The following CEP41 variants were observed in gnomAD, a reference collection of about 807,000 sequenced individuals.
The protein encoded by CEP41 is centrosomal protein 41.
In CEP41, 32 loss-of-function variants were observed where a neutral mutation model predicts 44.3. That is an observed-to-expected ratio of 0.72 (90% CI 0.54 to 0.97). The LOEUF is 0.97. Ranked by LOEUF, CEP41 falls within the 50% of genes least tolerant of loss-of-function variation. The pLI is 0.00. For missense variants in CEP41, 432 were observed against 455.2 expected (o/e 0.95, Z 0.46); for synonymous variants, 151 against 168.5 (o/e 0.90, Z 0.80).
In CEP41 at chr7:130,425,216, C is replaced by T. The variant is rs182055521; in HGVS notation, c.97+2739G>A. 4.1e-4 allele frequency among the ~76,000 whole-genome samples: 58 copies of T among 141,548 alleles called. 1 individual carries two copies. The highest frequency in any genetic ancestry group is 3.8e-3 in the Admixed American group (53 of 14,086). The allele number at this position is 141,548 out of a possible 152,430, so 92.9% of individuals were successfully genotyped here. On this transcript the variant is annotated intron_variant, in intron 2 of 10. Transcript: ENST00000223208. ...GATCACTTGAGGCAGGAGTTTGAGA[C>T]AAGCCTAGCCAACATGACAAAACCC... is the stretch of plus-strand genomic sequence containing the variant.
In CEP41 at chr7:130,394,239, G is replaced by T. The variant is rs1410366127; in HGVS notation, c.*4652C>A. ...GCCACAGTTCTCAGGCTGGCTCCTG[G>T]CTTTTCAAACCCTTGGTCAGAGACT... is the stretch of plus-strand genomic sequence containing the variant. On this transcript the variant is annotated 3_prime_UTR_variant, in exon 11 of 11. Coordinates refer to ENST00000223208, the MANE Select transcript of CEP41 (RefSeq NM_018718.3). 4 of 453,912 alleles carry T rather than the reference G, an allele frequency of 8.8e-6. No homozygotes were observed. Among genetic ancestry groups the T allele is most frequent in the Non-Finnish European group, 1.8e-5 (4 of 226,786 alleles). 28.1% of individuals were successfully genotyped at this position (453,912 alleles called of 1,614,324 possible). A position where few individuals can be genotyped will look rare whatever the true frequency, so the allele number is the denominator to read the frequency against.
At position 130,404,679 on chromosome 7, in the gene CEP41, C is replaced by T. The variant is rs1554417847; in HGVS notation, c.307G>A (p.Ala103Thr). 2 of 1,612,326 alleles carry T rather than the reference C, an allele frequency of 1.2e-6. No homozygotes were observed. The change falls in exon 6 of 11, where the codon GCT (alanine) becomes ACT (threonine). Residue 103 changes from alanine (A) to threonine (T), a missense_variant. Transcript: ENST00000223208. ...DNDSAASDPD[A>T]ETTARTNGKG... ...CCATTGGTCCTGGCAGTGGTTTCAGCATCAGGGTCTGAAGCTGCAGAATCA... is the reference window on the plus strand; with the variant it reads ...CCATTGGTCCTGGCAGTGGTTTCAGTATCAGGGTCTGAAGCTGCAGAATCA...
intron 8 of CEP41, chr7:130,401,036 A>G (rs1796829373): frequency 7.3e-6 from 4 of 551,270 alleles, no homozygotes; most frequent in Non-Finnish European, 1.3e-5. Flanking sequence ...TGATGTTACC[A>G]TGATCTAAAA....
chr7:130,403,044 G>A (rs943301503), intron 6 of CEP41, among the ~76,000 whole-genome samples: 4 of 152,162 alleles, frequency 2.6e-5, no homozygotes, highest in Admixed American at 2.0e-4. Flanking sequence ...CAGACAATGC[G>A]TGTCAGTGCA....
intron 4 of CEP41, 149 bp from the exon 5 acceptor site, chr7:130,411,340 A>T: frequency 2.8e-6 from 2 of 709,402 alleles, no homozygotes; most frequent in East Asian, 5.4e-5. Context: ...GCTGAATCTC[A>T]GGCCTCCTTC....
Position 130,400,080 on chromosome 7 carries a change from T to C in CEP41, c.932A>G (p.Glu311Gly), listed in dbSNP as rs782192154. ...CCCTTGCTCCTCTTCCAGATAATAT[T>C]CTATCTTTTTTAAGTCTTCTGGGGT... ...RFTPEDLKKI[E>G]YYLEEEQGPA... is the part of the protein sequence containing the mutation. The change falls in exon 10 of 11, where the codon GAA (glutamate) becomes GGA (glycine). Residue 311 changes from glutamate (E) to glycine (G), a missense_variant. Transcript: ENST00000223208. 1 of 1,612,976 alleles carries C rather than the reference T, an allele frequency of 6.2e-7. No individual in the cohort carries two copies. Among genetic ancestry groups the C allele is most frequent in the East Asian group, 2.2e-5 (1 of 44,884 alleles).
chr7:130,440,452 G>GA, intron 1 of CEP41: 1 of 233,286 alleles, frequency 4.3e-6, no homozygotes, highest in South Asian at 6.1e-5. Flanking sequence ...TGAAACAGAT[G>GA]AAGAAACTGA....
chr7:130,419,814 G>A, intron 2 of CEP41: 3 of 985,220 alleles, frequency 3.0e-6, no homozygotes, highest in Non-Finnish European at 3.6e-6. Context: ...ATACTCGTAA[G>A]AGCTCACTCA....
At chr7:130,423,985 A>G (rs1256371366) in intron 2 of CEP41, among the ~76,000 whole-genome samples, 1 of 152,276 alleles carries the variant, frequency 6.6e-6, no homozygotes, top group Non-Finnish European at 1.5e-5. Context: ...CATGTTGACA[A>G]ACAGGCTTAA....
chr7:130,401,726 TCTTGGCAATAGCTAG>T, intron 8 of CEP41, among the ~76,000 whole-genome samples, 140 bp downstream of exon 8: 1 of 152,216 alleles, frequency 6.6e-6, no homozygotes, highest in African/African-American at 2.4e-5. Flanking sequence ...GAGTCAGGAT[TCTTGGCAATAGCTAG>T]GAATCCAAAT....
At chr7:130,417,302 C>G in intron 2 of CEP41, 2 of 1,109,616 alleles carry the variant, frequency 1.8e-6, no homozygotes, top group Non-Finnish European at 2.2e-6. Context: ...CCCCTGCCCC[C>G]GCTGACGATC....
intron 1 of CEP41, among the ~76,000 whole-genome samples, chr7:130,435,645 G>A (rs889936899): frequency 1.3e-5 from 2 of 152,192 alleles, no homozygotes; most frequent in South Asian, 4.1e-4. Flanking sequence ...TGGCAGGAAT[G>A]TAAAATGGTA....
At chr7:130,404,826 G>T in intron 5 of CEP41, 118 bp from the exon 6 acceptor site, 2 of 893,998 alleles carry the variant, frequency 2.2e-6, no homozygotes, top group African/African-American at 1.6e-5. Context: ...AAATTGTCGT[G>T]GAAGTGCTAA....
intron 2 of CEP41, 62 bp downstream of exon 2, chr7:130,427,893 G>T: frequency 1.8e-6 from 2 of 1,094,434 alleles, no homozygotes; most frequent in Non-Finnish European, 2.8e-6. Context: ...ATGTGGGGTT[G>T]CTTTCTGTCA....
intron 5 of CEP41, among the ~76,000 whole-genome samples, chr7:130,410,643 A>G (rs1797154148): frequency 6.6e-6 from 1 of 152,198 alleles, no homozygotes; most frequent in Admixed American, 6.5e-5. Context: ...CTTGCAATAT[A>G]CAGCCAACAA....
intron 2 of CEP41, chr7:130,420,098 G>C: frequency 1.0e-6 from 1 of 983,554 alleles, no homozygotes; most frequent in Non-Finnish European, 1.2e-6. Flanking sequence ...GAGGAGGCAG[G>C]ATTGCTTGAG....
rs149933604 is a variant in CEP41, at chr7:130,429,540, G to A, written c.34-1522C>T. Among the ~76,000 whole-genome samples, 114 of 152,356 alleles carry A rather than the reference G, an allele frequency of 7.5e-4. 1 individual carries two copies. In the East Asian group the frequency reaches 0.021, roughly 29 times the overall value. The stretch of plus-strand genomic sequence containing the variant: ...GTCCTTTCTTCAATAACAGGTAGCT[G>A]TGGAACATGAAATTACTGCAATGTC... On this transcript the variant is annotated intron_variant, in intron 1 of 10. Transcript: ENST00000223208.
Position 130,394,505 on chromosome 7 carries a change from C to G in CEP41, c.*4386G>C. On this transcript the variant is annotated 3_prime_UTR_variant, in exon 11 of 11. Transcript: ENST00000223208. ...AGATGGGGGTGGTGTGTGACCTTTGCGTGCTGAATTTGGGAGGATACTTTA... is the reference window on the plus strand; with the variant it reads ...AGATGGGGGTGGTGTGTGACCTTTGGGTGCTGAATTTGGGAGGATACTTTA... 4.4e-6 allele frequency: 2 copies of G among 454,056 alleles called. No homozygotes were observed. The highest frequency in any genetic ancestry group is 8.8e-6 in the Non-Finnish European group (2 of 226,782). The allele number at this position is 454,056 out of a possible 1,614,324, so 28.1% of individuals were successfully genotyped here. A position where few individuals can be genotyped will look rare whatever the true frequency, so the allele number is the denominator to read the frequency against.
In CEP41 at chr7:130,394,403, T is replaced by G. The variant is rs1554413677; in HGVS notation, c.*4488A>C. The G allele has an allele frequency of 2.2e-6, 1 of 454,086 alleles. No homozygotes were observed. The highest frequency in any genetic ancestry group is 1.6e-5 in the South Asian group (1 of 64,478). The allele number at this position is 454,086 out of a possible 1,614,324, so 28.1% of individuals were successfully genotyped here. A position where few individuals can be genotyped will look rare whatever the true frequency, so the allele number is the denominator to read the frequency against. On this transcript the variant is annotated 3_prime_UTR_variant, in exon 11 of 11. Coordinates refer to ENST00000223208, the MANE Select transcript of CEP41 (RefSeq NM_018718.3). ...TGAAGAATCTAGGAGCAAAGTAAGC[T>G]CTCCACAAACATTGGCTAGTATTAT...
Sources: gnomAD v4.1 joint callset for allele counts (sites outside exome capture counted in the v4.1 genomes callset) on GRCh38, gnomAD v4.1.1 for gene constraint, MANE v1.5 for transcripts, NCBI Gene and HGNC (gene_info 2026-07-23, HGNC 2026-07-21) for gene names.